RPH3AL: variants seen among roughly 807,000 people sequenced by gnomAD.
The protein encoded by RPH3AL is rabphilin 3A like (without C2 domains).
RPH3AL carries 38 observed loss-of-function variants against 43.1 expected under a neutral mutation model. That is an observed-to-expected ratio of 0.88 (90% CI 0.68 to 1.15). RPH3AL has a LOEUF of 1.15. RPH3AL is among the 50% of genes most tolerant of loss of function. The pLI is 0.00. For synonymous variants in RPH3AL, 189 were observed against 176.3 expected (o/e 1.07, Z -0.57); for missense variants, 462 against 423.2 (o/e 1.09, Z -0.81).
rs563645762 is a variant in RPH3AL at position 329,259 on chromosome 17, G to A, written c.-36-1680C>T. On this transcript the variant is annotated intron_variant, in intron 2 of 9. Coordinates refer to ENST00000331302, the MANE Select transcript of RPH3AL (RefSeq NM_006987.4). ...AGGCCAAGGCAGGAGGATTGCTTGAGGTCAGGAGTTCAAGACCAGCCTGGC... is the reference window on the plus strand; with the variant it reads ...AGGCCAAGGCAGGAGGATTGCTTGAAGTCAGGAGTTCAAGACCAGCCTGGC... Among the ~76,000 whole-genome samples the A allele has an allele frequency of 2.0e-5, 3 of 152,194 alleles. No homozygotes were observed. The South Asian group carries it at 6.2e-4, about 32-fold the overall frequency.
intron 6 of RPH3AL, among the ~76,000 whole-genome samples, chr17:279,661 G>T (rs1445617023): frequency 1.3e-5 from 2 of 152,132 alleles, no homozygotes; most frequent in African/African-American, 4.8e-5. Flanking sequence ...TTCCTTCAAA[G>T]ATCCCTCACT....
At chr17:314,984 C>T (rs866193221) in intron 5 of RPH3AL, among the ~76,000 whole-genome samples, 149 of 4,198 alleles carry the variant, frequency 0.035, no homozygotes, top group East Asian at 0.067. Flanking sequence ...GTCCCTGTGC[C>T]CCACCTCCAT....
intron 5 of RPH3AL, among the ~76,000 whole-genome samples, chr17:312,771 G>A (rs1302330164): frequency 6.6e-6 from 1 of 152,238 alleles, no homozygotes; most frequent in African/African-American, 2.4e-5. Flanking sequence ...GAGGCCCAGA[G>A]AGGTTAAGTG....
At chr17:342,641 A>G (rs2045148310) in intron 1 of RPH3AL, among the ~76,000 whole-genome samples, 3 of 152,342 alleles carry the variant, frequency 2.0e-5, no homozygotes, top group Admixed American at 6.5e-5. Flanking sequence ...AATGTTCAGA[A>G]TAGACAAATT....
At chr17:275,341 G>A (rs1314387484) in intron 6 of RPH3AL, among the ~76,000 whole-genome samples, 1 of 151,918 alleles carries the variant, frequency 6.6e-6, no homozygotes, top group Non-Finnish European at 1.5e-5. Context: ...ACAGTGATGG[G>A]AATGAATACA....
chr17:273,315 G>A (rs73278912), intron 6 of RPH3AL, among the ~76,000 whole-genome samples: 246 of 7,060 alleles, frequency 0.035, 17 homozygotes, highest in African/African-American at 0.067. Flanking sequence ...AGACCCCAGC[G>A]AGGGTGATGT....
At chr17:309,014 G>T (rs544137553) in intron 5 of RPH3AL, among the ~76,000 whole-genome samples, 1 of 152,320 alleles carries the variant, frequency 6.6e-6, no homozygotes, top group South Asian at 2.1e-4. Context: ...AGCAGTGATG[G>T]AGGCTGGCTG....
intron 5 of RPH3AL, among the ~76,000 whole-genome samples, chr17:284,850 C>A (rs1268728437): frequency 6.6e-6 from 1 of 152,186 alleles, no homozygotes; most frequent in Non-Finnish European, 1.5e-5. Flanking sequence ...TCGGGGTGCC[C>A]ACACGGTCAG....
chr17:329,549 C>T (rs965561032), intron 2 of RPH3AL, among the ~76,000 whole-genome samples: 20 of 152,182 alleles, frequency 1.3e-4, no homozygotes, highest in African/African-American at 4.8e-4. Context: ...CTAGTTACCA[C>T]ACTAGAAATT....
chr17:216,277 A>C (rs2040800095), intron 8 of RPH3AL, among the ~76,000 whole-genome samples: 1 of 151,914 alleles, frequency 6.6e-6, no homozygotes, highest in Non-Finnish European at 1.5e-5. Flanking sequence ...GCCCGACCCC[A>C]CCCTCTGGCT....
In RPH3AL at chr17:333,176, A is replaced by G; in HGVS notation, c.-37+583T>C. On this transcript the variant is annotated intron_variant, in intron 2 of 9. Transcript: ENST00000331302. The surrounding 1 kb of genome is among the most constrained non-coding windows in gnomAD (Gnocchi z 4.5). Reference sequence around the variant, plus strand: ...CACCACCCCGGGCGTTCGTCACTGCAGACATCACTGCAGACACAGAGAAGG... The same window carrying G: ...CACCACCCCGGGCGTTCGTCACTGCGGACATCACTGCAGACACAGAGAAGG... 8.5e-7 allele frequency: 1 copy of G among 1,176,486 alleles called. No individual in the cohort carries two copies. The highest frequency in any genetic ancestry group is 1.1e-6 in the Non-Finnish European group (1 of 930,372). 72.9% of individuals were successfully genotyped at this position (1,176,486 alleles called of 1,614,324 possible). A position where few individuals can be genotyped will look rare whatever the true frequency, so the allele number is the denominator to read the frequency against.
At chr17:269,079 C>G (rs926874818) in intron 6 of RPH3AL, among the ~76,000 whole-genome samples, 3 of 152,134 alleles carry the variant, frequency 2.0e-5, no homozygotes, top group Non-Finnish European at 4.4e-5. Context: ...GGGGTTTCAC[C>G]GTGTTAGCCA....
chr17:316,450 C>A (rs1598108123), intron 5 of RPH3AL, among the ~76,000 whole-genome samples: 1 of 146,492 alleles, frequency 6.8e-6, no homozygotes. Flanking sequence ...TCTCTGTGCT[C>A]CACCTCCACT....
intron 6 of RPH3AL, among the ~76,000 whole-genome samples, chr17:266,822 G>A (rs181577007): frequency 1.2e-3 from 186 of 152,350 alleles, no homozygotes; most frequent in Admixed American, 2.4e-3. Flanking sequence ...ACCCCTGGCC[G>A]GGGACTGGCT....
intron 5 of RPH3AL, among the ~76,000 whole-genome samples, chr17:313,031 C>T (rs554724345): frequency 4.6e-5 from 7 of 152,304 alleles, no homozygotes; most frequent in South Asian, 4.1e-4. Flanking sequence ...CCAGGAGAAC[C>T]GGCTGCCCTC....
chr17:333,018 T>C lies in RPH3AL; in HGVS notation c.-37+741A>G. Reference sequence around the variant, plus strand: ...AGAGGCTCATCAGCCCCAGGCAACTTCCTGAGACAGATCGGTAAAAACAAC... The same window carrying C: ...AGAGGCTCATCAGCCCCAGGCAACTCCCTGAGACAGATCGGTAAAAACAAC... On this transcript the variant is annotated intron_variant, in intron 2 of 9. Transcript: ENST00000331302. The surrounding 1 kb of genome is among the most constrained non-coding windows in gnomAD (Gnocchi z 4.5). 2.3e-6 allele frequency: 3 copies of C among 1,288,948 alleles called. No homozygotes were observed. The highest frequency in any genetic ancestry group is 2.5e-5 in the South Asian group (2 of 81,012). The allele number at this position is 1,288,948 out of a possible 1,614,324, so 79.8% of individuals were successfully genotyped here.
chr17:250,222 T>C (rs1327312039), intron 6 of RPH3AL, among the ~76,000 whole-genome samples: 1 of 130,586 alleles, frequency 7.7e-6, no homozygotes, highest in African/African-American at 2.9e-5. Context: ...CTAAGCTCTG[T>C]CGCTGCGGGA....
chr17:318,593 GA>G (rs143675420), intron 5 of RPH3AL, among the ~76,000 whole-genome samples: 28 of 148,540 alleles, frequency 1.9e-4, no homozygotes, highest in African/African-American at 4.9e-4. Flanking sequence ...TTTATGCCAG[GA>G]AAAAAAAAAT....
At chr17:217,178 C>T (rs1262192235) in intron 8 of RPH3AL, among the ~76,000 whole-genome samples, 45 of 143,268 alleles carry the variant, frequency 3.1e-4, no homozygotes, top group Non-Finnish European at 5.7e-4. Flanking sequence ...CCTTCTTCTG[C>T]GCTAAAATTG....
Sources: gnomAD v4.1 joint callset for allele counts (sites outside exome capture counted in the v4.1 genomes callset) on GRCh38, gnomAD v4.1.1 for gene constraint, Gnocchi (gnomAD v3.1) non-coding constraint, MANE v1.5 for transcripts, NCBI Gene and HGNC (gene_info 2026-07-23, HGNC 2026-07-21) for gene names.